Variants in SLC39A11 observed in about 807,000 individuals in gnomAD.
SLC39A11 encodes solute carrier family 39 member 11, also known as zinc transporter ZIP11.
In SLC39A11, 33 loss-of-function variants were observed where a neutral mutation model predicts 36.1. That is an observed-to-expected ratio of 0.91 (90% CI 0.69 to 1.22). The LOEUF is 1.22. Among genes scored for constraint, SLC39A11 ranks in the 50% most tolerant of loss-of-function variants. The pLI is 0.00. For synonymous variants in SLC39A11, 166 were observed against 170.3 expected, an observed-to-expected ratio of 0.97 and a Z score of 0.20; for missense variants, 432 against 430.3, an observed-to-expected ratio of 1.00 and a Z score of -0.03.
chr17:72,949,950 G>GACACACACACAC (rs67207508), intron 4 of SLC39A11, among the ~76,000 whole-genome samples: 4 of 146,148 alleles, frequency 2.7e-5, no homozygotes, highest in South Asian at 2.3e-4. Context: ...AGGCTGCTGT[G>GACACACACACAC]ACACACACAC....
intron 6 of SLC39A11, among the ~76,000 whole-genome samples, chr17:72,800,869 G>GAAAAAAAAAGTGGTAGAAAA (rs1372427954): frequency 2.6e-5 from 4 of 152,056 alleles, no homozygotes; most frequent in Non-Finnish European, 5.9e-5. Context: ...TAGACAGAAT[G>GAAAAAAAAAGTGGTAGAAAA]AAAAAGGTAG....
chr17:72,935,404 A>G (rs1373728827), intron 5 of SLC39A11, among the ~76,000 whole-genome samples: 1 of 152,142 alleles, frequency 6.6e-6, no homozygotes, highest in Non-Finnish European at 1.5e-5. Context: ...GTTTAACTAC[A>G]AGGGGCCAAG....
chr17:73,053,836 A>T (rs1568196595), intron 3 of SLC39A11, among the ~76,000 whole-genome samples: 1 of 152,184 alleles, frequency 6.6e-6, no homozygotes, highest in Non-Finnish European at 1.5e-5. Context: ...TGTTCATCAT[A>T]ATTAAAACGT....
intron 4 of SLC39A11, among the ~76,000 whole-genome samples, chr17:73,025,704 A>G (rs1160164007): frequency 1.3e-5 from 2 of 152,356 alleles, no homozygotes; most frequent in Non-Finnish European, 2.9e-5. Flanking sequence ...ATCGAAATGG[A>G]GTCAGGGTTC....
chr17:72,916,347 C>T (rs1382278828), intron 5 of SLC39A11, among the ~76,000 whole-genome samples: 1 of 152,198 alleles, frequency 6.6e-6, no homozygotes, highest in Non-Finnish European at 1.5e-5. Flanking sequence ...CTAACTCTTG[C>T]CACACTGGCT....
At chr17:72,749,943 C>T (rs1418807501) in intron 6 of SLC39A11, among the ~76,000 whole-genome samples, 1 of 152,132 alleles carries the variant, frequency 6.6e-6, no homozygotes, top group Admixed American at 6.5e-5. Context: ...GCTGGGAAGG[C>T]CTGCAGCTGA....
chr17:72,961,710 G>A (rs1208466578), intron 4 of SLC39A11, among the ~76,000 whole-genome samples: 4 of 152,056 alleles, frequency 2.6e-5, no homozygotes, highest in Admixed American at 6.6e-5. Flanking sequence ...GACACGGGGC[G>A]GGGAACATCA....
intron 5 of SLC39A11, among the ~76,000 whole-genome samples, chr17:72,889,854 T>C (rs971230061): frequency 1.3e-5 from 2 of 152,186 alleles, no homozygotes; most frequent in African/African-American, 4.8e-5. Flanking sequence ...GGAAGCCACG[T>C]GCTGTACTGA....
intron 3 of SLC39A11, 36 bp from the exon 4 acceptor site, chr17:73,031,750 A>T: frequency 6.2e-7 from 1 of 1,607,172 alleles, no homozygotes. Flanking sequence ...ACGTTAAAGC[A>T]ACTGCAGAAG....
intron 7 of SLC39A11, among the ~76,000 whole-genome samples, chr17:72,672,046 A>AACAC (rs1027341794): frequency 5.4e-5 from 8 of 148,930 alleles, no homozygotes; most frequent in African/African-American, 2.0e-4. Context: ...TACACACACA[A>AACAC]ACACACACAC....
At chr17:73,086,072 G>A (rs1188092512) in intron 2 of SLC39A11, among the ~76,000 whole-genome samples, 3 of 152,172 alleles carry the variant, frequency 2.0e-5, no homozygotes, top group Non-Finnish European at 4.4e-5. Flanking sequence ...GAAAATATCC[G>A]TGCTGTTAGA....
At chr17:73,084,767 G>C (rs780674575) in intron 3 of SLC39A11, 41 bp downstream of exon 3, 2 of 1,608,376 alleles carry the variant, frequency 1.2e-6, no homozygotes, top group East Asian at 4.5e-5. Context: ...GTCAGAATCA[G>C]TATGCCTCAA....
At chr17:73,022,662 C>T (rs8069244) in intron 4 of SLC39A11, among the ~76,000 whole-genome samples, 125,863 of 148,314 alleles carry the variant, frequency 0.85, 54,477 homozygotes, top group Middle Eastern at 0.95. Context: ...CCTTCATCCC[C>T]TTTTCAGCCT....
chr17:72,828,762 G>C (rs1395568621), intron 6 of SLC39A11, among the ~76,000 whole-genome samples: 1 of 152,100 alleles, frequency 6.6e-6, no homozygotes, highest in East Asian at 1.9e-4. Flanking sequence ...CCCCACCCTG[G>C]TCCAGGTGCT....
chr17:72,799,511 C>T lies in SLC39A11; in HGVS notation c.601+50123G>A, dbSNP rs552599935. Among the ~76,000 whole-genome samples the T allele has an allele frequency of 1.7e-3, 259 of 152,210 alleles. 2 individuals carry two copies. Among genetic ancestry groups the T allele is most frequent in the Middle Eastern group, 6.8e-3 (2 of 294 alleles). On this transcript the variant is annotated intron_variant, in intron 6 of 9. Coordinates refer to ENST00000255559, the MANE Select transcript of SLC39A11 (RefSeq NM_139177.4). ...AGACGTGCAAGTAGGGAAGATATTG[C>T]TAAATTCTTTTCCTAGCAAGGAATA... is the stretch of plus-strand genomic sequence containing the variant.
chr17:73,006,889 C>T (rs573077732), intron 4 of SLC39A11, among the ~76,000 whole-genome samples: 1 of 152,284 alleles, frequency 6.6e-6, no homozygotes, highest in South Asian at 2.1e-4. Context: ...GTCCCAGGCA[C>T]TGTTCTAAGC....
intron 5 of SLC39A11, among the ~76,000 whole-genome samples, chr17:72,883,240 G>T (rs1289836349): frequency 2.0e-5 from 3 of 152,150 alleles, no homozygotes; most frequent in African/African-American, 4.8e-5. Flanking sequence ...CGCAGAGCAG[G>T]CCTCCTACTG....
At chr17:72,678,293 G>GT (rs919408222) in intron 7 of SLC39A11, among the ~76,000 whole-genome samples, 12 of 151,918 alleles carry the variant, frequency 7.9e-5, no homozygotes, top group East Asian at 1.9e-4. Flanking sequence ...TTTACAACGT[G>GT]TTTTTTTTCC....
At chr17:72,927,307 G>A (rs923562494) in intron 5 of SLC39A11, among the ~76,000 whole-genome samples, 5 of 152,188 alleles carry the variant, frequency 3.3e-5, no homozygotes, top group East Asian at 3.9e-4. Context: ...AGTGATCCAC[G>A]CACCTTGGCC....
Sources: gnomAD v4.1 joint callset for allele counts (sites outside exome capture counted in the v4.1 genomes callset) on GRCh38, gnomAD v4.1.1 for gene constraint, MANE v1.5 for transcripts, NCBI Gene and HGNC (gene_info 2026-07-23, HGNC 2026-07-21) for gene names.